Variants in CHN2 observed in about 807,000 individuals in gnomAD.
CHN2 encodes the protein chimerin 2.
A neutral mutation model predicts 56.3 loss-of-function variants in CHN2; 35 were observed. The ratio of observed to expected loss-of-function variants is 0.62; its 90% CI spans 0.47 to 0.82. The LOEUF (loss-of-function observed/expected upper bound fraction) is 0.82. CHN2 is among the 40% of genes least tolerant of loss of function. CHN2 has a pLI of 0.00. For synonymous variants in CHN2, 210 were observed against 212.8 expected (o/e 0.99, Z 0.12); for missense variants, 491 against 580.5 (o/e 0.85, Z 1.58).
intron 1 of CHN2, among the ~76,000 whole-genome samples, chr7:29,290,083 A>G (rs1792474103): frequency 6.6e-6 from 1 of 152,214 alleles, no homozygotes; most frequent in Non-Finnish European, 1.5e-5. Flanking sequence ...TCTTAATTTA[A>G]AGGAATCTTT....
chr7:29,179,225 C>A (rs886705246), intron 2 of CHN2, among the ~76,000 whole-genome samples: 1 of 152,216 alleles, frequency 6.6e-6, no homozygotes, highest in Non-Finnish European at 1.5e-5. Context: ...CAGAAGGCTC[C>A]ATCCCCTCAC....
At chr7:29,347,279 C>G (rs1418259532) in intron 1 of CHN2, among the ~76,000 whole-genome samples, 1 of 152,152 alleles carries the variant, frequency 6.6e-6, no homozygotes, top group Admixed American at 6.5e-5. Context: ...ACCCTTCACC[C>G]AGCAGTTCAA....
At chr7:29,485,488 C>A (rs1379717001) in intron 7 of CHN2, among the ~76,000 whole-genome samples, 2 of 152,176 alleles carry the variant, frequency 1.3e-5, no homozygotes, top group Admixed American at 1.3e-4. Flanking sequence ...CTCCCTAGTG[C>A]TGGAGATCCT....
Position 29,432,449 on chromosome 7 carries a change from T to A in CHN2, c.576+31621T>A, listed in dbSNP as rs566326391. Among the ~76,000 whole-genome samples, 13 of 152,288 alleles carry A rather than the reference T, an allele frequency of 8.5e-5. No individual in the cohort carries two copies. The East Asian group carries it at 2.3e-3, about 27-fold the overall frequency. ...AACTCTACCCACTTCCCTCTCCCCATAATTTGTCTCCAAGTTTGCTGATCA... is the reference window on the plus strand; with the variant it reads ...AACTCTACCCACTTCCCTCTCCCCAAAATTTGTCTCCAAGTTTGCTGATCA... On this transcript the variant is annotated intron_variant, in intron 6 of 12. Coordinates refer to ENST00000222792, the MANE Select transcript of CHN2 (RefSeq NM_004067.4).
chr7:29,509,187 T>A, intron 11 of CHN2, 114 bp from the exon 12 acceptor site: 1 of 728,748 alleles, frequency 1.4e-6, no homozygotes, highest in Non-Finnish European at 2.4e-6. Flanking sequence ...TTGGATTGCA[T>A]GAATTTATTA....
chr7:29,385,287 G>A (rs1800829591), intron 3 of CHN2, among the ~76,000 whole-genome samples: 1 of 152,088 alleles, frequency 6.6e-6, no homozygotes, highest in South Asian at 2.1e-4. Context: ...TAAAAAAAAT[G>A]TTTCTAATAT....
At chr7:29,419,834 A>G (rs1260328547) in intron 6 of CHN2, among the ~76,000 whole-genome samples, 4 of 152,250 alleles carry the variant, frequency 2.6e-5, no homozygotes, top group African/African-American at 9.6e-5. Context: ...CTGTAATTCC[A>G]GCACTTTGGG....
intron 1 of CHN2, among the ~76,000 whole-genome samples, chr7:29,237,304 T>G (rs982917196): frequency 6.6e-6 from 1 of 152,210 alleles, no homozygotes; most frequent in African/African-American, 2.4e-5. Flanking sequence ...CCAGGCTCTG[T>G]GCCTTGCCTT....
chr7:29,382,440 C>T (rs917467757), intron 3 of CHN2, among the ~76,000 whole-genome samples: 5 of 152,204 alleles, frequency 3.3e-5, no homozygotes, highest in African/African-American at 9.6e-5. Flanking sequence ...CATAAAGCAT[C>T]AAGGTGTGAG....
rs147434417 is a variant in CHN2 at position 29,340,242 on chromosome 7, G to GAA, written c.50-14382_50-14381dup. ...TGAGTTTTAATTTGTACAAATAACT[G>GAA]AATTAATGAATTCAGGTATATATGC... On this transcript the variant is annotated intron_variant, in intron 1 of 12. Transcript: ENST00000222792. 5.2e-3 allele frequency among the ~76,000 whole-genome samples: 787 copies of GAA among 152,260 alleles called. 6 individuals are homozygous for GAA. Among genetic ancestry groups the GAA allele is most frequent in the Non-Finnish European group, 9.1e-3 (621 of 68,008 alleles).
intron 12 of CHN2, among the ~76,000 whole-genome samples, chr7:29,512,059 A>G (rs973350329): frequency 3.3e-5 from 5 of 152,070 alleles, no homozygotes; most frequent in African/African-American, 1.2e-4. Flanking sequence ...CTCTTCCTCA[A>G]TTCATGACAG....
intron 2 of CHN2, among the ~76,000 whole-genome samples, chr7:29,154,694 G>A (rs1356838678): frequency 6.6e-6 from 1 of 152,096 alleles, no homozygotes; most frequent in African/African-American, 2.4e-5. Flanking sequence ...AATTAGCCAG[G>A]TGTGGTGGCA....
Position 29,361,355 on chromosome 7 carries a change from C to T in CHN2, c.89-6577C>T, listed in dbSNP as rs563505521. ...ATTGGGCCTTATTTTTATATGGTTG[C>T]CGTGGTAATTGATTGTCATCTCATT... On this transcript the variant is annotated intron_variant, in intron 2 of 12. Transcript: ENST00000222792. 2.6e-5 allele frequency among the ~76,000 whole-genome samples: 4 copies of T among 152,090 alleles called. No homozygotes were observed. In the East Asian group the frequency reaches 7.7e-4, roughly 29 times the overall value.
intron 1 of CHN2, among the ~76,000 whole-genome samples, chr7:29,325,260 A>C (rs1437533665): frequency 2.0e-5 from 3 of 152,128 alleles, no homozygotes; most frequent in African/African-American, 7.2e-5. Context: ...TGGCCATGTC[A>C]TTTGATTTTC....
intron 1 of CHN2, among the ~76,000 whole-genome samples, chr7:29,312,125 T>C (rs1408911941): frequency 2.0e-5 from 3 of 152,202 alleles, no homozygotes; most frequent in Non-Finnish European, 4.4e-5. Flanking sequence ...GAGCTGTCAG[T>C]GGTCGAATCA....
At chr7:29,398,216 T>C in intron 4 of CHN2, 157 bp from the exon 5 acceptor site, 1 of 561,462 alleles carries the variant, frequency 1.8e-6, no homozygotes, top group South Asian at 2.4e-5. Flanking sequence ...GAGGGGTGGT[T>C]CCAAGTCACT....
intron 2 of CHN2, among the ~76,000 whole-genome samples, chr7:29,168,224 G>C (rs982964388): frequency 3.3e-5 from 5 of 152,008 alleles, no homozygotes; most frequent in African/African-American, 1.2e-4. Flanking sequence ...CGGTTTATTT[G>C]TTTGTTTAAA....
chr7:29,417,412 T>C (rs886579331), intron 6 of CHN2, among the ~76,000 whole-genome samples: 5 of 150,058 alleles, frequency 3.3e-5, no homozygotes, highest in Admixed American at 2.0e-4. Context: ...CTCCGCTCAC[T>C]GCAAGCTCCG....
chr7:29,460,846 C>T (rs1055726562), intron 6 of CHN2, among the ~76,000 whole-genome samples: 2 of 152,218 alleles, frequency 1.3e-5, no homozygotes, highest in Non-Finnish European at 2.9e-5. Flanking sequence ...GAGGCAACTC[C>T]TTTGCTACCA....
Sources: allele counts gnomAD v4.1 joint callset (sites outside exome capture counted in the v4.1 genomes callset), GRCh38; gene constraint gnomAD v4.1.1; transcripts MANE v1.5; gene names NCBI Gene and HGNC (gene_info 2026-07-23, HGNC 2026-07-21).